Variants in GALK1 observed in about 807,000 individuals in gnomAD.
The protein encoded by GALK1 is galactokinase.
A neutral mutation model predicts 38.6 loss-of-function variants in GALK1; 30 were observed. That is an observed-to-expected ratio of 0.78 (90% CI 0.58 to 1.05). The LOEUF (loss-of-function observed/expected upper bound fraction) is 1.05. Ranked by LOEUF, GALK1 falls within the 50% of genes least tolerant of loss-of-function variation. The pLI is 0.00. For missense variants in GALK1, 512 were observed against 540.5 expected (o/e 0.95, Z 0.52); for synonymous variants, 240 against 233.6 (o/e 1.03, Z -0.25).
chr17:75,757,444 G>A, downstream of GALK1: 1 of 1,612,122 alleles, frequency 6.2e-7, no homozygotes. Context: ...CCCAGCACCT[G>A]GAGGCAGGCG....
At chr17:75,754,199 C>T (rs911375258), downstream of GALK1, among the ~76,000 whole-genome samples, 3 of 152,294 alleles carry the variant, frequency 2.0e-5, no homozygotes, top group African/African-American at 7.2e-5. Flanking sequence ...GGTGCAAATT[C>T]AGAAGTCTGC....
rs545825270 is a variant in GALK1 at position 75,761,066 on chromosome 17, G to A, written c.793+1638C>T. Among the ~76,000 whole-genome samples, 15 of 152,030 alleles carry A rather than the reference G, an allele frequency of 9.9e-5. No individual in the cohort carries two copies. The South Asian group carries it at 3.1e-3, about 32-fold the overall frequency. On this transcript the variant is annotated intron_variant, in intron 5 of 7. Coordinates refer to ENST00000588479, the MANE Select transcript of GALK1 (RefSeq NM_000154.2). Reference sequence around the variant, plus strand: ...AAAATACAAAAATTAGCCAGGTGTGGTGGCACATGCCTCTAATCCTAGCTA... The same window carrying A: ...AAAATACAAAAATTAGCCAGGTGTGATGGCACATGCCTCTAATCCTAGCTA...
downstream of GALK1, chr17:75,757,812 A>G (rs1301511093): frequency 7.6e-6 from 5 of 660,772 alleles, no homozygotes; most frequent in Non-Finnish European, 1.3e-5. Flanking sequence ...TGGTTTTGCT[A>G]CTGCTAGGCC....
In GALK1 at chr17:75,758,148, G is replaced by A. The variant is rs532337789; in HGVS notation, c.1108-21C>T. 14 of 1,612,208 alleles carry A rather than the reference G, an allele frequency of 8.7e-6. No individual in the cohort carries two copies. In the East Asian group the frequency reaches 1.6e-4, roughly 18 times the overall value. ...TGCTCCTGTAAGAGGCGGGCTGGGG[G>A]TGAGTGGCAGGGCCCCGGGAAGCTG... On this transcript the variant is annotated intron_variant, in intron 7 of 7. Coordinates refer to ENST00000588479, the MANE Select transcript of GALK1 (RefSeq NM_000154.2).
Position 75,758,022 on chromosome 17 carries a change from C to T in GALK1, c.*34G>A. ...GAGCCGTGGGACTGGCCTGCAGGCC[C>T]CGCACCCTCACCGTGTGCTGTCCTG... On this transcript the variant is annotated 3_prime_UTR_variant, in exon 8 of 8. Coordinates refer to ENST00000588479, the MANE Select transcript of GALK1 (RefSeq NM_000154.2). 1 of 1,610,670 alleles carries T rather than the reference C, an allele frequency of 6.2e-7. No individual in the cohort carries two copies. The highest frequency in any genetic ancestry group is 1.7e-5 in the Admixed American group (1 of 59,896).
downstream of GALK1, chr17:75,755,150 T>A (rs1230583793): frequency 1.2e-6 from 2 of 1,611,268 alleles, no homozygotes; most frequent in African/African-American, 2.7e-5. Flanking sequence ...GTTCCCCCCT[T>A]CCAGGGGCCC....
downstream of GALK1, chr17:75,757,283 A>G (rs1443574108): frequency 6.2e-7 from 1 of 1,611,698 alleles, no homozygotes; most frequent in Non-Finnish European, 8.5e-7. Context: ...CACCACCCAC[A>G]CCAGCGCCAC....
chr17:75,756,655 A>T (rs765539033), downstream of GALK1: 53 of 1,612,368 alleles, frequency 3.3e-5, no homozygotes, highest in South Asian at 5.5e-4. Context: ...TGCCCCCATC[A>T]TGCCCACCAC....
At chr17:75,756,297 A>G (rs577812417), downstream of GALK1, 147 of 933,848 alleles carry the variant, frequency 1.6e-4, no homozygotes, top group Non-Finnish European at 2.1e-4. Context: ...ACTGTACCCA[A>G]CCTGTACCCA....
At chr17:75,756,701 C>A, downstream of GALK1, 2 of 1,613,480 alleles carry the variant, frequency 1.2e-6, no homozygotes, top group Non-Finnish European at 1.7e-6. Flanking sequence ...CTACTGCCCC[C>A]AGGCTCCGCC....
chr17:75,752,567 C>T lies in GALK1; in HGVS notation c.*23-830G>A, dbSNP rs745391276. 34 of 1,613,446 alleles carry T rather than the reference C, an allele frequency of 2.1e-5. No homozygotes were observed. The highest frequency in any genetic ancestry group is 1.8e-4 in the Admixed American group (11 of 60,010). On this transcript the variant is annotated intron_variant, in intron 8 of 8. Coordinates refer to the GALK1 transcript ENST00000225614. ...CGGGCAGCCAGAGGCCCAGCGTCTCCGATGACACTGGTGAGTGGAGACCTG... is the reference window on the plus strand; with the variant it reads ...CGGGCAGCCAGAGGCCCAGCGTCTCTGATGACACTGGTGAGTGGAGACCTG...
downstream of GALK1, chr17:75,757,725 C>T (rs377058449): frequency 2.1e-5 from 18 of 876,652 alleles, no homozygotes; most frequent in East Asian, 1.3e-4. Flanking sequence ...GGTCCGTCCT[C>T]TGTGGGCCCA....
chr17:75,763,869 G>C, intron 2 of GALK1, 28 bp downstream of exon 2: 1 of 1,605,718 alleles, frequency 6.2e-7, no homozygotes, highest in Non-Finnish European at 8.5e-7. Flanking sequence ...GTATCAGTGA[G>C]GACTTGGCTC....
chr17:75,763,483 A>T (rs752401700), intron 2 of GALK1, 44 bp from the exon 3 acceptor site: 42 of 1,553,190 alleles, frequency 2.7e-5, no homozygotes, highest in Non-Finnish European at 3.3e-5. Flanking sequence ...GCTGCCTGGG[A>T]GGATGGCACA....
downstream of GALK1, chr17:75,757,228 C>G (rs766721134): frequency 1.2e-6 from 2 of 1,612,036 alleles, no homozygotes; most frequent in South Asian, 1.1e-5. Context: ...GCAGCCGTGC[C>G]GGGCTCTTCC....
downstream of GALK1, chr17:75,755,796 CGG>C: frequency 6.2e-7 from 1 of 1,611,000 alleles, no homozygotes; most frequent in Non-Finnish European, 8.5e-7. Flanking sequence ...GCAGGAGCCG[CGG>C]TGCGAGCGGC....
At position 75,758,673 on chromosome 17, in the gene GALK1, G is replaced by A. The variant is rs1037021634; in HGVS notation, c.794-74C>T. On this transcript the variant is annotated intron_variant, in intron 5 of 7. Coordinates refer to ENST00000588479, the MANE Select transcript of GALK1 (RefSeq NM_000154.2). ...CCGACGCCTGTGAGGACCAGCAGGC[G>A]GTGATGGCAGTGGCCCTGGCTGGAC... The A allele has an allele frequency of 5.4e-5, 82 of 1,522,462 alleles. No individual in the cohort carries two copies. In the African/African-American group the frequency reaches 5.9e-4, roughly 11 times the overall value. The allele number at this position is 1,522,462 out of a possible 1,614,324, so 94.3% of individuals were successfully genotyped here. A position where few individuals can be genotyped will look rare whatever the true frequency, so the allele number is the denominator to read the frequency against.
downstream of GALK1, chr17:75,755,078 G>A (rs573432171): frequency 6.9e-6 from 11 of 1,600,052 alleles, no homozygotes; most frequent in African/African-American, 6.7e-5. Context: ...CTGGGAACAC[G>A]GGAGGAGCAG....
chr17:75,753,824 T>C (rs1223410449), downstream of GALK1: 9 of 1,461,688 alleles, frequency 6.2e-6, no homozygotes, highest in South Asian at 1.4e-5. Flanking sequence ...GCGCGTCACG[T>C]GGCGGCTGCC....
Sources: allele counts gnomAD v4.1 joint callset (sites outside exome capture counted in the v4.1 genomes callset), GRCh38; gene constraint gnomAD v4.1.1; transcripts MANE v1.5; gene names NCBI Gene and HGNC (gene_info 2026-07-23, HGNC 2026-07-21).